ST18: variants seen among roughly 807,000 people sequenced by gnomAD.
The protein encoded by ST18 is suppression of tumorigenicity 18 protein.
Under a neutral mutation model 110.0 loss-of-function variants are expected in ST18, and 50 were observed. That is an observed-to-expected ratio of 0.45 (90% confidence interval 0.36 to 0.58). ST18 has a LOEUF of 0.58. ST18 is among the 20% of genes least tolerant of loss of function. ST18 has a pLI of 0.00. For missense variants in ST18, 1,306 were observed against 1,280.1 expected, an observed-to-expected ratio of 1.02 and a Z score of -0.31; for synonymous variants, 461 against 452.4, an observed-to-expected ratio of 1.02 and a Z score of -0.24.
chr8:52,342,407 C>G (rs916992047), intron 2 of ST18, among the ~76,000 whole-genome samples: 4 of 152,176 alleles, frequency 2.6e-5, no homozygotes, highest in African/African-American at 9.7e-5. Flanking sequence ...TCTAGGAGAC[C>G]AACTGCTGTT....
At chr8:52,136,721 G>C in intron 18 of ST18, 63 bp from the exon 19 acceptor site, 1 of 1,397,174 alleles carries the variant, frequency 7.2e-7, no homozygotes, top group South Asian at 1.3e-5. Flanking sequence ...GAGTCAAATG[G>C]CATCCTGAGT....
intron 7 of ST18, among the ~76,000 whole-genome samples, chr8:52,213,150 T>C (rs1161622958): frequency 1.3e-5 from 2 of 152,178 alleles, no homozygotes; most frequent in African/African-American, 4.8e-5. Context: ...CAGTATAAAA[T>C]TTCTGTTTAG....
intron 2 of ST18, among the ~76,000 whole-genome samples, chr8:52,339,214 G>T (rs2140172705): frequency 6.6e-6 from 1 of 152,262 alleles, no homozygotes; most frequent in East Asian, 1.9e-4. Context: ...GCACCAGGCT[G>T]CTCTGAGCCC....
At chr8:52,148,030 C>T (rs1335568597) in intron 16 of ST18, among the ~76,000 whole-genome samples, 1 of 152,062 alleles carries the variant, frequency 6.6e-6, no homozygotes, top group Non-Finnish European at 1.5e-5. Context: ...AGATGATACA[C>T]GTAGACATAA....
intron 7 of ST18, among the ~76,000 whole-genome samples, chr8:52,212,952 C>T (rs1366178049): frequency 6.6e-6 from 1 of 152,168 alleles, no homozygotes; most frequent in African/African-American, 2.4e-5. Flanking sequence ...CACACTCTAG[C>T]ATGCTGATAT....
intron 2 of ST18, among the ~76,000 whole-genome samples, chr8:52,344,252 ATTT>A (rs11412964): frequency 3.0e-4 from 45 of 152,118 alleles, no homozygotes; most frequent in Non-Finnish European, 2.9e-4. Context: ...AAGAAGCCTT[ATTT>A]TTTCAAAACT....
chr8:52,389,891 C>G (rs1371440914), intron 2 of ST18, among the ~76,000 whole-genome samples: 2 of 152,206 alleles, frequency 1.3e-5, no homozygotes, highest in Non-Finnish European at 2.9e-5. Flanking sequence ...AATACAGATA[C>G]AGCTGGCTAT....
At position 52,377,434 on chromosome 8, in the gene ST18, G is replaced by C. The variant is rs988990549; in HGVS notation, c.-465+31894C>G. On this transcript the variant is annotated intron_variant, in intron 2 of 25. Coordinates refer to ENST00000689386, the MANE Select transcript of ST18 (RefSeq NM_001352837.2). ...TGGGAAGGAACAGCTCCAAGATATAGTGAAAAGATAACATTTCATGTTGTG... is the reference window on the plus strand; with the variant it reads ...TGGGAAGGAACAGCTCCAAGATATACTGAAAAGATAACATTTCATGTTGTG... Among the ~76,000 whole-genome samples the C allele has an allele frequency of 3.7e-4, 57 of 152,190 alleles. 1 individual carries two copies. Among genetic ancestry groups the C allele is most frequent in the Non-Finnish European group, 1.0e-4 (7 of 68,026 alleles).
chr8:52,253,771 T>G (rs2094428429), intron 2 of ST18, among the ~76,000 whole-genome samples: 1 of 152,138 alleles, frequency 6.6e-6, no homozygotes, highest in Non-Finnish European at 1.5e-5. Flanking sequence ...GCTTTACTTT[T>G]TTGCTAAGCA....
At chr8:52,361,480 T>G (rs1453417195) in intron 2 of ST18, among the ~76,000 whole-genome samples, 2 of 152,172 alleles carry the variant, frequency 1.3e-5, no homozygotes, top group African/African-American at 4.8e-5. Flanking sequence ...GCCATGTCGA[T>G]CAGTTCACTC....
At chr8:52,160,960 T>C (rs1431574357) in intron 14 of ST18, among the ~76,000 whole-genome samples, 3 of 152,194 alleles carry the variant, frequency 2.0e-5, no homozygotes, top group African/African-American at 7.2e-5. Flanking sequence ...TAAATAATAT[T>C]TTAAACAGCA....
At chr8:52,282,819 G>C (rs1439730950) in intron 2 of ST18, among the ~76,000 whole-genome samples, 2 of 152,126 alleles carry the variant, frequency 1.3e-5, no homozygotes, top group African/African-American at 4.8e-5. Context: ...AGAAAGTATG[G>C]TGCCCAGTGC....
chr8:52,306,907 T>C (rs1396430715), intron 2 of ST18, among the ~76,000 whole-genome samples: 1 of 152,218 alleles, frequency 6.6e-6, no homozygotes, highest in Non-Finnish European at 1.5e-5. Context: ...GGTTTATAAA[T>C]AGGTAACACA....
intron 9 of ST18, among the ~76,000 whole-genome samples, 159 bp from the exon 10 acceptor site, chr8:52,172,742 A>G (rs532596641): frequency 2.0e-5 from 3 of 152,332 alleles, no homozygotes; most frequent in East Asian, 3.9e-4. Context: ...GTAATATATC[A>G]TCTCTATTAA....
At position 52,186,018 on chromosome 8, in the gene ST18, A is replaced by T. The variant is rs192047122; in HGVS notation, c.87-5706T>A. Among the ~76,000 whole-genome samples, 383 of 152,102 alleles carry T rather than the reference A, an allele frequency of 2.5e-3. 2 individuals carry two copies. The highest frequency in any genetic ancestry group is 8.8e-3 in the African/African-American group (367 of 41,494). On this transcript the variant is annotated intron_variant, in intron 8 of 25. Coordinates refer to ENST00000689386, the MANE Select transcript of ST18 (RefSeq NM_001352837.2). ...CCTCCTATTAACATTCCATTTCTCC[A>T]TCCATTTACACAAGCACTGTGAGGT...
intron 8 of ST18, among the ~76,000 whole-genome samples, chr8:52,209,074 C>T (rs747201049): frequency 6.6e-6 from 1 of 151,946 alleles, no homozygotes; most frequent in Non-Finnish European, 1.5e-5. Flanking sequence ...AAAAGATAAT[C>T]GTTAGAGAAT....
At chr8:52,147,408 G>C (rs971913574) in intron 16 of ST18, among the ~76,000 whole-genome samples, 1 of 152,144 alleles carries the variant, frequency 6.6e-6, no homozygotes, top group Non-Finnish European at 1.5e-5. Context: ...CTGAGAATCT[G>C]AAGAGTGCAA....
chr8:52,338,512 C>T (rs1033164194), intron 2 of ST18, among the ~76,000 whole-genome samples: 1 of 152,096 alleles, frequency 6.6e-6, no homozygotes. Flanking sequence ...CAGCCTCGAC[C>T]TCCTGGGCAC....
chr8:52,328,222 C>T (rs917731169), intron 2 of ST18, among the ~76,000 whole-genome samples: 1 of 152,150 alleles, frequency 6.6e-6, no homozygotes, highest in African/African-American at 2.4e-5. Context: ...TTCCTGCCTC[C>T]TAAGCTATTC....
Sources: allele counts gnomAD v4.1 joint callset (sites outside exome capture counted in the v4.1 genomes callset), GRCh38; gene constraint gnomAD v4.1.1; transcripts MANE v1.5; gene names NCBI Gene and HGNC (gene_info 2026-07-23, HGNC 2026-07-21).